The following LRCH1 variants were observed in gnomAD, a reference collection of about 807,000 sequenced individuals.
LRCH1 encodes leucine-rich repeat and calponin homology domain-containing protein 1.
In LRCH1, 23 loss-of-function variants were observed where a neutral mutation model predicts 94.9. The observed-to-expected ratio is 0.24, with a 90% confidence interval of 0.17 to 0.34. The LOEUF (loss-of-function observed/expected upper bound fraction) is 0.34. Ranked by LOEUF, LRCH1 falls within the 10% of genes least tolerant of loss-of-function variation. The pLI is 1.00. For synonymous variants in LRCH1, 364 were observed against 354.9 expected (o/e 1.03, Z -0.29); for missense variants, 790 against 945.9 (o/e 0.84, Z 2.16).
At chr13:46,652,680 T>C (rs1174576088) in intron 2 of LRCH1, among the ~76,000 whole-genome samples, 2 of 152,196 alleles carry the variant, frequency 1.3e-5, no homozygotes, top group Non-Finnish European at 2.9e-5. Context: ...TTCCAACATA[T>C]ACAGGGGAAA....
downstream of LRCH1, among the ~76,000 whole-genome samples, chr13:46,749,481 C>G (rs1396136855): frequency 2.0e-5 from 3 of 152,096 alleles, no homozygotes; most frequent in Non-Finnish European, 4.4e-5. Flanking sequence ...ATAAAAGACT[C>G]TATTTTAAGT....
chr13:46,733,363 A>G (rs921901965), intron 18 of LRCH1, among the ~76,000 whole-genome samples: 3 of 152,132 alleles, frequency 2.0e-5, no homozygotes, highest in Non-Finnish European at 2.9e-5. Flanking sequence ...TTACCATGAT[A>G]TTGCCTCTAT....
chr13:46,586,586 T>A (rs1051574190), intron 1 of LRCH1, among the ~76,000 whole-genome samples: 3 of 152,014 alleles, frequency 2.0e-5, no homozygotes, highest in Admixed American at 6.6e-5. Flanking sequence ...CCCAACTGAT[T>A]GTTGTATTTT....
chr13:46,627,859 C>G (rs1431213505), intron 1 of LRCH1, among the ~76,000 whole-genome samples: 1 of 152,150 alleles, frequency 6.6e-6, no homozygotes, highest in Non-Finnish European at 1.5e-5. Flanking sequence ...TTATTTTCTA[C>G]TTTTTCTCAG....
chr13:46,575,054 A>G (rs2050288228), intron 1 of LRCH1, among the ~76,000 whole-genome samples: 1 of 152,142 alleles, frequency 6.6e-6, no homozygotes. Flanking sequence ...GGGATAAATG[A>G]AAAGTTCCAA....
Position 46,733,991 on chromosome 13 carries a change from T to A in LRCH1, c.2078T>A (p.Val693Glu). Residue 693 changes from valine to glutamate, a missense_variant, in exon 19 of 20, where the codon GTA becomes GAA. By Grantham distance (121) the Val-to-Glu change is moderately radical. This residue lies in a region of LRCH1 where 460 missense variants were observed against 508.9 expected (regional missense o/e 0.90). Coordinates refer to ENST00000389797, the MANE Select transcript of LRCH1 (RefSeq NM_001164211.2). ...NFLEACRKLGVPEADLCSPCD... is the reference protein window; with the variant it reads ...NFLEACRKLGEPEADLCSPCD... ...TTGGAAGCATGCCGAAAATTAGGAGTACCAGAGGTAACATCAAACTTACTT... is the reference window on the plus strand; with the variant it reads ...TTGGAAGCATGCCGAAAATTAGGAGAACCAGAGGTAACATCAAACTTACTT... 6.3e-7 allele frequency: 1 copy of A among 1,582,122 alleles called. No individual in the cohort carries two copies. Among genetic ancestry groups the A allele is most frequent in the Non-Finnish European group, 8.6e-7 (1 of 1,157,084 alleles).
chr13:46,713,050 G>A (rs771820169), intron 15 of LRCH1, among the ~76,000 whole-genome samples: 2 of 152,150 alleles, frequency 1.3e-5, no homozygotes, highest in African/African-American at 4.8e-5. Flanking sequence ...TCATTTCAAG[G>A]CTTGCATGAG....
chr13:46,625,729 C>T (rs540484589), intron 1 of LRCH1, among the ~76,000 whole-genome samples: 2 of 142,612 alleles, frequency 1.4e-5, no homozygotes, highest in Non-Finnish European at 3.0e-5. Flanking sequence ...TCTCAGGTAA[C>T]TGCAACCTCT....
chr13:46,553,384 G>C lies in LRCH1; in HGVS notation c.-13G>C. 1.3e-6 allele frequency: 2 copies of C among 1,523,264 alleles called. No homozygotes were observed. The highest frequency in any genetic ancestry group is 1.8e-6 in the Non-Finnish European group (2 of 1,138,562). The allele number at this position is 1,523,264 out of a possible 1,614,324, so 94.4% of individuals were successfully genotyped here. On this transcript the variant is annotated 5_prime_UTR_variant, in exon 1 of 20. Coordinates refer to ENST00000389797, the MANE Select transcript of LRCH1 (RefSeq NM_001164211.2). ...CAGGAGCGGCGGGGCGGGGTGGGGGGGCCCGGGAGAAGATGGCGACGCCGG... is the reference window on the plus strand; with the variant it reads ...CAGGAGCGGCGGGGCGGGGTGGGGGCGCCCGGGAGAAGATGGCGACGCCGG...
chr13:46,620,080 G>A (rs958708244), intron 1 of LRCH1, among the ~76,000 whole-genome samples: 1 of 152,184 alleles, frequency 6.6e-6, no homozygotes, highest in African/African-American at 2.4e-5. Context: ...ACTCAGAAGT[G>A]CATTTACACG....
chr13:46,671,020 G>A (rs1320593286), intron 3 of LRCH1, among the ~76,000 whole-genome samples: 1 of 152,174 alleles, frequency 6.6e-6, no homozygotes, highest in Non-Finnish European at 1.5e-5. Flanking sequence ...CAGGGCATTC[G>A]AGGCCTTCTG....
chr13:46,719,888 T>C (rs1872520536), intron 16 of LRCH1, among the ~76,000 whole-genome samples: 1 of 151,598 alleles, frequency 6.6e-6, no homozygotes, highest in South Asian at 2.1e-4. Context: ...ATCCCAGCTA[T>C]CTGGGGGGCT....
intron 1 of LRCH1, among the ~76,000 whole-genome samples, chr13:46,574,780 A>G (rs1164650336): frequency 3.4e-5 from 5 of 145,426 alleles, no homozygotes; most frequent in African/African-American, 1.3e-4. Flanking sequence ...ATTATGAAGC[A>G]CTTGTTTACT....
At chr13:46,563,646 A>T (rs749961485) in intron 1 of LRCH1, among the ~76,000 whole-genome samples, 1 of 152,242 alleles carries the variant, frequency 6.6e-6, no homozygotes, top group African/African-American at 2.4e-5. Flanking sequence ...TATGTAATAG[A>T]TGTTTCACCT....
At chr13:46,576,134 A>G (rs907588215) in intron 1 of LRCH1, among the ~76,000 whole-genome samples, 2 of 152,214 alleles carry the variant, frequency 1.3e-5, no homozygotes, top group Non-Finnish European at 2.9e-5. Context: ...GGCGACCAGG[A>G]GAAAGCCAGC....
At chr13:46,648,395 C>T (rs2051250025) in intron 1 of LRCH1, among the ~76,000 whole-genome samples, 1 of 152,178 alleles carries the variant, frequency 6.6e-6, no homozygotes, top group Non-Finnish European at 1.5e-5. Flanking sequence ...CCTTGATTTC[C>T]ATATGTATGT....
Position 46,626,016 on chromosome 13 carries a change from A to G in LRCH1, c.308-24185A>G, listed in dbSNP as rs567989323. ...TTGTATCTTCCATTGTACTTAATCT[A>G]TGGGTCTTATATTCAGCAGTATTCT... On this transcript the variant is annotated intron_variant, in intron 1 of 19. Transcript: ENST00000389797. Among the ~76,000 whole-genome samples the G allele has an allele frequency of 5.9e-5, 9 of 152,200 alleles. No individual in the cohort carries two copies. The South Asian group carries it at 1.0e-3, about 18-fold the overall frequency.
At chr13:46,705,618 C>T in intron 13 of LRCH1, 1 of 494,088 alleles carries the variant, frequency 2.0e-6, no homozygotes, top group Non-Finnish European at 3.7e-6. Context: ...GCCTGTGTGT[C>T]AGAACCTGGA....
rs373908793 is a variant in LRCH1, at chr13:46,553,814, G to A, written c.307+111G>A. The A allele has an allele frequency of 5.2e-6, 8 of 1,533,834 alleles. No individual in the cohort carries two copies. The African/African-American group carries it at 6.9e-5, about 13-fold the overall frequency. ...ATCTTGTCTTGCTGGGGGAGGGAGG[G>A]TCCATCGGCCCGTTGTCTCCCGAAG... On this transcript the variant is annotated intron_variant, in intron 1 of 19. Coordinates refer to ENST00000389797, the MANE Select transcript of LRCH1 (RefSeq NM_001164211.2).
Sources: gnomAD v4.1 joint callset for allele counts (sites outside exome capture counted in the v4.1 genomes callset) on GRCh38, gnomAD v4.1.1 for gene constraint, gnomAD v4.1.1 regional missense constraint, MANE v1.5 for transcripts, NCBI Gene and HGNC (gene_info 2026-07-23, HGNC 2026-07-21) for gene names.